The following ADAM12 variants were observed in gnomAD, a reference collection of about 807,000 sequenced individuals.
ADAM12 encodes the protein ADAM metallopeptidase domain 12.
ADAM12 carries 70 observed loss-of-function variants against 106.4 expected under a neutral mutation model. The observed-to-expected ratio is 0.66, with a 90% CI of 0.54 to 0.80. ADAM12 has a LOEUF of 0.80. ADAM12 is among the 30% of genes least tolerant of loss of function. ADAM12 has a pLI of 0.00. For synonymous variants in ADAM12, 420 were observed against 433.5 expected (o/e 0.97, Z 0.39); for missense variants, 1,010 against 1,171.9 (o/e 0.86, Z 2.02).
At chr10:126,163,760 G>C (rs1956977509) in intron 3 of ADAM12, among the ~76,000 whole-genome samples, 1 of 152,138 alleles carries the variant, frequency 6.6e-6, no homozygotes, top group East Asian at 1.9e-4. Context: ...CTTATTTCTT[G>C]TTTACTTGTC....
At chr10:126,105,211 A>G (rs1244381184) in intron 8 of ADAM12, among the ~76,000 whole-genome samples, 2 of 152,228 alleles carry the variant, frequency 1.3e-5, no homozygotes, top group Admixed American at 1.3e-4. Flanking sequence ...AGTTATTAAC[A>G]AACCCCTAAT....
At chr10:126,225,503 G>A (rs57276089) in intron 3 of ADAM12, among the ~76,000 whole-genome samples, 250 of 152,288 alleles carry the variant, frequency 1.6e-3, no homozygotes, top group African/African-American at 5.8e-3. Flanking sequence ...GATCCTGCCC[G>A]ATCATTTGGA....
chr10:126,057,741 A>G (rs997224400), intron 14 of ADAM12, among the ~76,000 whole-genome samples: 27 of 152,118 alleles, frequency 1.8e-4, no homozygotes, highest in Non-Finnish European at 1.5e-5. Context: ...GGTGAAATCT[A>G]CCTGTGTGGT....
intron 4 of ADAM12, among the ~76,000 whole-genome samples, chr10:126,137,052 T>C (rs1467229355): frequency 6.6e-6 from 1 of 152,212 alleles, no homozygotes; most frequent in Non-Finnish European, 1.5e-5. Context: ...TTCTTTATTT[T>C]CTTCTATCTT....
chr10:126,345,997 G>T (rs1049629172), intron 1 of ADAM12, among the ~76,000 whole-genome samples: 1 of 152,076 alleles, frequency 6.6e-6, no homozygotes, highest in African/African-American at 2.4e-5. Context: ...TTTTTTGAAG[G>T]TTTTTTTGTG....
intron 14 of ADAM12, among the ~76,000 whole-genome samples, chr10:126,050,384 G>T (rs1173820031): frequency 6.6e-6 from 1 of 152,202 alleles, no homozygotes; most frequent in South Asian, 2.1e-4. Context: ...TGCAGCCAAA[G>T]TTCTGGAGGA....
chr10:126,322,715 C>A (rs1359733076), intron 2 of ADAM12, among the ~76,000 whole-genome samples: 1 of 152,216 alleles, frequency 6.6e-6, no homozygotes, highest in Non-Finnish European at 1.5e-5. Flanking sequence ...AAAGCCTGAG[C>A]AAGGGCGAAT....
intron 21 of ADAM12, among the ~76,000 whole-genome samples, chr10:126,030,797 G>GA (rs1564997180): frequency 6.6e-6 from 1 of 152,180 alleles, no homozygotes; most frequent in African/African-American, 2.4e-5. Flanking sequence ...AGGTGGCAGG[G>GA]AGAGTCCAAG....
intron 18 of ADAM12, chr10:126,041,540 G>A (rs541487169): frequency 1.2e-5 from 12 of 985,628 alleles, no homozygotes; most frequent in African/African-American, 5.2e-5. Flanking sequence ...AGAGTTCACC[G>A]CCCTTTCTCC....
intron 3 of ADAM12, among the ~76,000 whole-genome samples, chr10:126,190,688 T>C (rs1436503859): frequency 1.3e-5 from 2 of 152,092 alleles, no homozygotes; most frequent in African/African-American, 4.8e-5. Flanking sequence ...AACACACTAA[T>C]GGGAGACTGA....
At chr10:126,182,151 C>T (rs1957323723) in intron 3 of ADAM12, among the ~76,000 whole-genome samples, 1 of 152,240 alleles carries the variant, frequency 6.6e-6, no homozygotes, top group African/African-American at 2.4e-5. Context: ...TGCCCCTCTG[C>T]CTGGTGGCTG....
intron 3 of ADAM12, chr10:126,272,848 G>A: frequency 2.4e-6 from 1 of 411,966 alleles, no homozygotes; most frequent in Non-Finnish European, 5.1e-6. Context: ...GATCTACAAT[G>A]GCTTCTACAG....
Position 126,388,226 on chromosome 10 carries a change from G to A in ADAM12, c.-81C>T. Reference sequence around the variant, plus strand: ...CCCACGCGGGCGCCGAGCCGGGGCCGGGCGTCGCGACCGGAGGGATTTCCT... The same window carrying A: ...CCCACGCGGGCGCCGAGCCGGGGCCAGGCGTCGCGACCGGAGGGATTTCCT... On this transcript the variant is annotated 5_prime_UTR_variant, in exon 1 of 23. Coordinates refer to ENST00000448723, the MANE Select transcript of ADAM12 (RefSeq NM_001288973.2). The surrounding 1 kb of genome is among the most constrained non-coding windows in gnomAD (Gnocchi z 4.4). 1.6e-5 allele frequency: 19 copies of A among 1,188,202 alleles called. No homozygotes were observed. Among genetic ancestry groups the A allele is most frequent in the Non-Finnish European group, 1.9e-5 (18 of 961,120 alleles). The allele number at this position is 1,188,202 out of a possible 1,614,324, so 73.6% of individuals were successfully genotyped here.
chr10:126,210,547 C>T (rs1957882207), intron 3 of ADAM12, among the ~76,000 whole-genome samples: 1 of 152,106 alleles, frequency 6.6e-6, no homozygotes. Flanking sequence ...TGGATGGCTT[C>T]CTGGCTGACA....
intron 5 of ADAM12, among the ~76,000 whole-genome samples, chr10:126,131,667 G>A (rs1318501310): frequency 1.3e-5 from 2 of 152,186 alleles, no homozygotes; most frequent in Non-Finnish European, 2.9e-5. Context: ...CTGCCTGGAA[G>A]CCAAGAGAAA....
At chr10:126,218,824 C>T (rs1178039316) in intron 3 of ADAM12, among the ~76,000 whole-genome samples, 1 of 152,152 alleles carries the variant, frequency 6.6e-6, no homozygotes. Flanking sequence ...GGGCAGCTGC[C>T]AAATTAGGAT....
At position 126,036,155 on chromosome 10, in the gene ADAM12, C is replaced by T; in HGVS notation, c.2520G>A (p.Arg840=). ...AGTACTGAAAGCATACCTGGGCCTG[C>T]CTAAGTGCAGGCTTGGCTGGCAGGG... ...ARPLPAKPAL[R]QAQGTCKPNP... is the part of the protein sequence containing the mutation. Residue 840 remains arginine, a synonymous_variant, in exon 21 of 23, where the codon AGG becomes AGA. Coordinates refer to ENST00000448723, the MANE Select transcript of ADAM12 (RefSeq NM_001288973.2). The T allele has an allele frequency of 6.8e-7, 1 of 1,469,184 alleles. No homozygotes were observed. The highest frequency in any genetic ancestry group is 9.0e-7 in the Non-Finnish European group (1 of 1,113,200). 91.0% of individuals were successfully genotyped at this position (1,469,184 alleles called of 1,614,324 possible). A position where few individuals can be genotyped will look rare whatever the true frequency, so the allele number is the denominator to read the frequency against.
At chr10:126,339,261 T>A in intron 1 of ADAM12, among the ~76,000 whole-genome samples, 1 of 152,350 alleles carries the variant, frequency 6.6e-6, no homozygotes, top group Middle Eastern at 3.4e-3. Context: ...CTACAGGACA[T>A]GTTAATTTCA....
intron 3 of ADAM12, among the ~76,000 whole-genome samples, chr10:126,242,145 T>C (rs2133655642): frequency 6.6e-6 from 1 of 152,312 alleles, no homozygotes; most frequent in Admixed American, 6.5e-5. Context: ...TTTCCCATTG[T>C]TCCATATTAT....
Sources: allele counts gnomAD v4.1 joint callset (sites outside exome capture counted in the v4.1 genomes callset), GRCh38; gene constraint gnomAD v4.1.1; non-coding constraint Gnocchi (gnomAD v3.1); transcripts MANE v1.5; gene names NCBI Gene and HGNC (gene_info 2026-07-23, HGNC 2026-07-21).